Variants in OAS2 observed in about 807,000 individuals in gnomAD.
OAS2 encodes the protein 2'-5'-oligoadenylate synthase 2.
In OAS2, 67 loss-of-function variants were observed where a neutral mutation model predicts 71.3. That is an observed-to-expected ratio of 0.94 (90% CI 0.77 to 1.15). The LOEUF is 1.15. OAS2 is among the 50% of genes most tolerant of loss of function. The probability of loss-of-function intolerance (pLI) is 0.00; values close to 1 mark genes in which losing one functional copy is unlikely to be tolerated. For synonymous variants in OAS2, 327 were observed against 321.8 expected (o/e 1.02, Z -0.17); for missense variants, 789 against 822.5 (o/e 0.96, Z 0.50).
At chr12:113,000,526 ACACACT>A (rs1213909802) in intron 5 of OAS2, among the ~76,000 whole-genome samples, 10 of 101,996 alleles carry the variant, frequency 9.8e-5, no homozygotes, top group Non-Finnish European at 2.0e-4. Context: ...ACATGCACAC[ACACACT>A]CACACATGCA....
At chr12:112,991,369 T>A (rs1289939142) in intron 2 of OAS2, among the ~76,000 whole-genome samples, 2 of 152,264 alleles carry the variant, frequency 1.3e-5, no homozygotes, top group African/African-American at 4.8e-5. Flanking sequence ...TTAGAAAGTT[T>A]ATTTTGCCAA....
Position 113,005,115 on chromosome 12 carries a change from T to C in OAS2, c.1361T>C (p.Phe454Ser), listed in dbSNP as rs1337168647. ...REKEEELEVS[F>S]EPPKWKAPRV... ...AAGGAGGAGGAGCTTGAAGTCAGCTTTGAGCCTCCCAAGTGGAAGGCTCCC... is the reference window on the plus strand; with the variant it reads ...AAGGAGGAGGAGCTTGAAGTCAGCTCTGAGCCTCCCAAGTGGAAGGCTCCC... Residue 454 changes from phenylalanine (F) to serine (S), a missense_variant, in exon 7 of 10, where the codon TTT becomes TCT. By Grantham distance (155) the Phe-to-Ser change is radical. Coordinates refer to ENST00000392583, the MANE Select transcript of OAS2 (RefSeq NM_002535.3). The C allele has an allele frequency of 6.2e-7, 1 of 1,614,146 alleles. No individual in the cohort carries two copies. Among genetic ancestry groups the C allele is most frequent in the African/African-American group, 1.3e-5 (1 of 75,050 alleles).
At chr12:112,997,447 T>C in intron 3 of OAS2, 73 bp from the exon 4 acceptor site, 5 of 1,298,426 alleles carry the variant, frequency 3.9e-6, no homozygotes, top group Non-Finnish European at 5.4e-6. Context: ...ACCTCTGGTT[T>C]CTTGATTTCA....
chr12:113,006,396 T>C lies in OAS2; in HGVS notation c.1469-17T>C. The C allele has an allele frequency of 6.6e-7, 1 of 1,522,200 alleles. No homozygotes were observed. Among genetic ancestry groups the C allele is most frequent in the East Asian group, 2.3e-5 (1 of 43,696 alleles). The allele number at this position is 1,522,200 out of a possible 1,614,324, so 94.3% of individuals were successfully genotyped here. A position where few individuals can be genotyped will look rare whatever the true frequency, so the allele number is the denominator to read the frequency against. On this transcript the variant is annotated splice_polypyrimidine_tract_variant and intron_variant, in intron 7 of 9. Coordinates refer to ENST00000392583, the MANE Select transcript of OAS2 (RefSeq NM_002535.3). The stretch of plus-strand genomic sequence containing the variant: ...TATGTGTATTAAAGCAGGATGTCAA[T>C]CTCTCCCTCATGCCAGGTCAGCTGA...
chr12:112,997,376 C>A, intron 3 of OAS2, 144 bp from the exon 4 acceptor site: 1 of 626,542 alleles, frequency 1.6e-6, no homozygotes, highest in Non-Finnish European at 2.7e-6. Flanking sequence ...TTTGTCAAGA[C>A]TTGGTATTGT....
chr12:112,986,928 T>A lies in OAS2; in HGVS notation c.178-110T>A, dbSNP rs368513320. ...GGGCAAATGGATGCCTGCCACTCAA[T>A]GTTAAGACCATTTTTGGCTTTTACT... On this transcript the variant is annotated intron_variant, in intron 1 of 9. Transcript: ENST00000392583. 1.1e-5 allele frequency: 16 copies of A among 1,413,750 alleles called. No homozygotes were observed. In the South Asian group the frequency reaches 2.0e-4, roughly 17 times the overall value. 87.6% of individuals were successfully genotyped at this position (1,413,750 alleles called of 1,614,324 possible).
chr12:112,986,133 G>T (rs2044132264), intron 1 of OAS2, among the ~76,000 whole-genome samples: 1 of 152,220 alleles, frequency 6.6e-6, no homozygotes, highest in African/African-American at 2.4e-5. Flanking sequence ...CTCCTCAGTG[G>T]CTGACAGTGT....
At position 112,991,662 on chromosome 12, in the gene OAS2, C is replaced by T. The variant is rs543577981; in HGVS notation, c.449-3634C>T. Among the ~76,000 whole-genome samples the T allele has an allele frequency of 5.9e-5, 9 of 152,308 alleles. No individual in the cohort carries two copies. In the East Asian group the frequency reaches 7.7e-4, roughly 13 times the overall value. On this transcript the variant is annotated intron_variant, in intron 2 of 9. Transcript: ENST00000392583. ...CTCTTCCAAAGGAGGCAATCAAATACACATTTATCTCAGCAGAGGGATGAC... is the reference window on the plus strand; with the variant it reads ...CTCTTCCAAAGGAGGCAATCAAATATACATTTATCTCAGCAGAGGGATGAC...
At chr12:112,998,715 C>T (rs1218646667) in intron 5 of OAS2, among the ~76,000 whole-genome samples, 1 of 152,196 alleles carries the variant, frequency 6.6e-6, no homozygotes, top group East Asian at 1.9e-4. Flanking sequence ...ACTCCAGCCT[C>T]TGTCCCTGAG....
intron 2 of OAS2, among the ~76,000 whole-genome samples, chr12:112,993,538 G>T (rs1041135133): frequency 1.3e-5 from 2 of 152,144 alleles, no homozygotes; most frequent in African/African-American, 4.8e-5. Context: ...ATATCCACTG[G>T]GGTGTATGAA....
chr12:112,982,994 T>A (rs2044097876), intron 1 of OAS2, among the ~76,000 whole-genome samples: 1 of 152,274 alleles, frequency 6.6e-6, no homozygotes, highest in South Asian at 2.1e-4. Context: ...AATGACCCCT[T>A]TTATTTCTGT....
intron 9 of OAS2, among the ~76,000 whole-genome samples, chr12:113,008,435 C>CT (rs1463500138): frequency 6.6e-6 from 1 of 152,082 alleles, no homozygotes; most frequent in Non-Finnish European, 1.5e-5. Context: ...AGGAGACCCC[C>CT]GGTGGGTTGC....
In OAS2 at chr12:113,003,074, A is replaced by G; in HGVS notation, c.1151A>G (p.Gln384Arg). 2 of 1,614,162 alleles carry G rather than the reference A, an allele frequency of 1.2e-6. No homozygotes were observed. Among genetic ancestry groups the G allele is most frequent in the Non-Finnish European group, 1.7e-6 (2 of 1,180,014 alleles). The change falls in exon 6 of 10, where the codon CAA (glutamine) becomes CGA (arginine). Residue 384 changes from glutamine (Q) to arginine (R), a missense_variant. Coordinates refer to ENST00000392583, the MANE Select transcript of OAS2 (RefSeq NM_002535.3). ...TTCCTTAAAGAAAACTGCTTCCGACAATCAACAGCCAAGATCCAGATTGTC... is the reference window on the plus strand; with the variant it reads ...TTCCTTAAAGAAAACTGCTTCCGACGATCAACAGCCAAGATCCAGATTGTC... ...RTFLKENCFR[Q>R]STAKIQIVRG...
intron 2 of OAS2, among the ~76,000 whole-genome samples, chr12:112,991,687 C>T (rs1273825328): frequency 6.6e-6 from 1 of 152,176 alleles, no homozygotes; most frequent in East Asian, 1.9e-4. Context: ...AGAGGGATGA[C>T]TTTGAATAGA....
chr12:112,996,446 A>G (rs886406389), intron 3 of OAS2, among the ~76,000 whole-genome samples: 1 of 152,132 alleles, frequency 6.6e-6, no homozygotes, highest in Non-Finnish European at 1.5e-5. Context: ...TTGCCGAATC[A>G]TTTCCAAAAT....
rs1000005248 is a variant in OAS2 at position 113,010,488 on chromosome 12, T to G, written c.*1233T>G. On this transcript the variant is annotated 3_prime_UTR_variant, in exon 10 of 10. Transcript: ENST00000392583. ...TAATTCTAAAAGAAACTTCTAGAGA[T>G]CATCTGGCAATCGCTTTTAAAGACT... The G allele has an allele frequency of 6.2e-7, 1 of 1,611,662 alleles. No individual in the cohort carries two copies. Among genetic ancestry groups the G allele is most frequent in the African/African-American group, 1.3e-5 (1 of 74,794 alleles).
intron 2 of OAS2, chr12:112,987,914 A>G (rs546066861): frequency 1.0e-6 from 1 of 985,574 alleles, no homozygotes; most frequent in East Asian, 1.1e-4. Context: ...CTCAGCAAAC[A>G]TTCCCACACT....
At position 113,010,430 on chromosome 12, in the gene OAS2, G is replaced by A; in HGVS notation, c.*1175G>A. The A allele has an allele frequency of 1.2e-6, 2 of 1,613,940 alleles. No homozygotes were observed. The highest frequency in any genetic ancestry group is 4.5e-5 in the East Asian group (2 of 44,882). On this transcript the variant is annotated 3_prime_UTR_variant, in exon 10 of 10. Coordinates refer to ENST00000392583, the MANE Select transcript of OAS2 (RefSeq NM_002535.3). ...GGATCCATCCTATTGTCAATGAGAT[G>A]TTCTCATCCAGAAGCCATAGAATCC...
chr12:112,983,078 T>C (rs1168839950), intron 1 of OAS2, among the ~76,000 whole-genome samples: 1 of 152,206 alleles, frequency 6.6e-6, no homozygotes, highest in Non-Finnish European at 1.5e-5. Context: ...TTAGTCTATT[T>C]AGTCTAAGTA....
Sources: allele counts gnomAD v4.1 joint callset (sites outside exome capture counted in the v4.1 genomes callset), GRCh38; gene constraint gnomAD v4.1.1; transcripts MANE v1.5; gene names NCBI Gene and HGNC (gene_info 2026-07-23, HGNC 2026-07-21).